The following KCNC2 variants were observed in gnomAD, a reference collection of about 807,000 sequenced individuals.
The protein encoded by KCNC2 is potassium voltage-gated channel subfamily C member 2.
KCNC2 carries 21 observed loss-of-function variants against 44.5 expected under a neutral mutation model. The ratio of observed to expected loss-of-function variants is 0.47; its 90% confidence interval spans 0.33 to 0.68. The LOEUF (loss-of-function observed/expected upper bound fraction) is 0.68, where lower values mean the gene tolerates loss of function less well. Among genes scored for constraint, KCNC2 ranks in the 30% least tolerant of loss-of-function variants. The pLI is 0.01. For synonymous variants in KCNC2, 391 were observed against 339.1 expected (o/e 1.15, Z -1.68); for missense variants, 589 against 826.2 (o/e 0.71, Z 3.52).
Position 75,048,210 on chromosome 12 carries a change from A to G in KCNC2, c.1723T>C (p.Cys575Arg). The change falls in exon 4 of 5, where the codon TGT (cysteine) becomes CGT (arginine). Residue 575 changes from cysteine (C) to arginine (R), a missense_variant. This residue lies in a region of KCNC2 where 171 missense variants were observed against 182.4 expected (regional missense o/e 0.94). Coordinates refer to ENST00000549446, the MANE Select transcript of KCNC2 (RefSeq NM_139137.4). ...TRDKNRRGETCFLLTTGDYTC... is the reference protein window; with the variant it reads ...TRDKNRRGETRFLLTTGDYTC... ...TAATCACCTGTCGTCAGTAGGAAACATGTTTCCCCTCTTCTGTTTTTGTCT... is the reference window on the plus strand; with the variant it reads ...TAATCACCTGTCGTCAGTAGGAAACGTGTTTCCCCTCTTCTGTTTTTGTCT... 1 of 1,613,054 alleles carries G rather than the reference A, an allele frequency of 6.2e-7. No individual in the cohort carries two copies. The highest frequency in any genetic ancestry group is 8.5e-7 in the Non-Finnish European group (1 of 1,179,386).
At chr12:75,084,294 A>AGATAGAT (rs1565840428) in intron 2 of KCNC2, among the ~76,000 whole-genome samples, 20 of 122,840 alleles carry the variant, frequency 1.6e-4, no homozygotes, top group African/African-American at 5.3e-4. Context: ...GATAGATGAT[A>AGATAGAT]GATAGATAGA....
intron 2 of KCNC2, among the ~76,000 whole-genome samples, chr12:75,074,196 T>C (rs1883690868): frequency 1.3e-5 from 2 of 151,294 alleles, no homozygotes; most frequent in Admixed American, 6.6e-5. Flanking sequence ...GTAGGAGGTC[T>C]GCAAGCTAGG....
At chr12:75,119,124 C>A (rs1333300010) in intron 2 of KCNC2, among the ~76,000 whole-genome samples, 1 of 152,168 alleles carries the variant, frequency 6.6e-6, no homozygotes, top group Non-Finnish European at 1.5e-5. Context: ...TGAATACCCC[C>A]TTCCATGGTA....
chr12:75,049,114 G>T lies in KCNC2; in HGVS notation c.1616-797C>A, dbSNP rs116601771. Among the ~76,000 whole-genome samples, 1,321 of 152,256 alleles carry T rather than the reference G, an allele frequency of 8.7e-3. 14 individuals are homozygous for T. Among genetic ancestry groups the T allele is most frequent in the African/African-American group, 0.03 (1,246 of 41,576 alleles). ...TTTCATAAATACATTCTTAACAGTT[G>T]TTAGATATATATTAGAAGAATTTGC... On this transcript the variant is annotated intron_variant, in intron 3 of 4. Transcript: ENST00000549446.
rs142891386 is a variant in KCNC2 at position 75,064,058 on chromosome 12, T to A, written c.688-12741A>T. Among the ~76,000 whole-genome samples the A allele has an allele frequency of 6.6e-4, 100 of 152,190 alleles. 1 individual carries two copies. The highest frequency in any genetic ancestry group is 2.4e-3 in the African/African-American group (99 of 41,560). ...TAGCCATAAATGACAAAAATGAGAA[T>A]ACAATGAAAAGATGCTGATTTTCAT... is the stretch of plus-strand genomic sequence containing the variant. On this transcript the variant is annotated intron_variant, in intron 2 of 4. Transcript: ENST00000549446.
At chr12:75,197,767 A>G (rs1037975372) in intron 2 of KCNC2, among the ~76,000 whole-genome samples, 11 of 151,954 alleles carry the variant, frequency 7.2e-5, no homozygotes, top group African/African-American at 2.7e-4. Context: ...TTTATCATCC[A>G]ATCAGTGTGG....
chr12:75,098,856 T>A (rs1263123883), intron 2 of KCNC2, among the ~76,000 whole-genome samples: 2 of 152,120 alleles, frequency 1.3e-5, no homozygotes, highest in African/African-American at 4.8e-5. Context: ...TGAAGTGTTA[T>A]CTGAAAAGGA....
chr12:75,122,759 T>G (rs1326552910), intron 2 of KCNC2, among the ~76,000 whole-genome samples: 1 of 152,128 alleles, frequency 6.6e-6, no homozygotes, highest in African/African-American at 2.4e-5. Context: ...GCTAAGGCTG[T>G]ATATTGAAAC....
In KCNC2 at chr12:75,041,678, A is replaced by C; in HGVS notation, c.*1427T>G. 1 of 1,001,426 alleles carries C rather than the reference A, an allele frequency of 1.0e-6. No homozygotes were observed. Among genetic ancestry groups the C allele is most frequent in the Non-Finnish European group, 1.2e-6 (1 of 838,698 alleles). 62.0% of individuals were successfully genotyped at this position (1,001,426 alleles called of 1,614,324 possible). On this transcript the variant is annotated 3_prime_UTR_variant, in exon 5 of 5. Coordinates refer to ENST00000549446, the MANE Select transcript of KCNC2 (RefSeq NM_139137.4). ...AGGATTTTGTTGGAGTGTAGTAATGAATGCTGGTTGCTAGGTAGTAGAAAC... is the reference window on the plus strand; with the variant it reads ...AGGATTTTGTTGGAGTGTAGTAATGCATGCTGGTTGCTAGGTAGTAGAAAC...
chr12:75,207,149 A>C lies in KCNC2; in HGVS notation c.687+148T>G, dbSNP rs2031748930. The C allele has an allele frequency of 1.9e-5, 27 of 1,396,658 alleles. No individual in the cohort carries two copies. Among genetic ancestry groups the C allele is most frequent in the Admixed American group, 3.2e-5 (1 of 31,678 alleles). The allele number at this position is 1,396,658 out of a possible 1,614,324, so 86.5% of individuals were successfully genotyped here. The stretch of plus-strand genomic sequence containing the variant: ...GCCGGGGTCCCTGGGTTTACCCTGC[A>C]AAGGATGAGCCTCTAACTGTATCGC... On this transcript the variant is annotated intron_variant, in intron 2 of 4. Transcript: ENST00000549446. The surrounding 1 kb of genome is among the most constrained non-coding windows in gnomAD (Gnocchi z 4.1).
chr12:75,068,572 A>C (rs1374198683), intron 2 of KCNC2, among the ~76,000 whole-genome samples: 1 of 152,220 alleles, frequency 6.6e-6, no homozygotes, highest in Non-Finnish European at 1.5e-5. Context: ...AAACAAATTA[A>C]AGGTGTCTTA....
Position 75,042,060 on chromosome 12 carries a change from A to G in KCNC2, c.*1045T>C. 8.5e-7 allele frequency: 1 copy of G among 1,175,914 alleles called. No homozygotes were observed. The highest frequency in any genetic ancestry group is 1.0e-6 in the Non-Finnish European group (1 of 953,356). The allele number at this position is 1,175,914 out of a possible 1,614,324, so 72.8% of individuals were successfully genotyped here. A position where few individuals can be genotyped will look rare whatever the true frequency, so the allele number is the denominator to read the frequency against. On this transcript the variant is annotated 3_prime_UTR_variant, in exon 5 of 5. Transcript: ENST00000549446. ...TGACTCAGGAATTTAAGGCTAGTCA[A>G]AAAAGCCTTCTGTGAACACCAGTGA...
intron 2 of KCNC2, among the ~76,000 whole-genome samples, chr12:75,080,429 C>T (rs114493573): frequency 0.039 from 5,886 of 151,876 alleles, 358 homozygotes; most frequent in African/African-American, 0.13. Context: ...AAACCATCTC[C>T]AGGAAACTAT....
chr12:75,067,494 G>T (rs537744653), intron 2 of KCNC2, among the ~76,000 whole-genome samples: 1 of 152,250 alleles, frequency 6.6e-6, no homozygotes, highest in Non-Finnish European at 1.5e-5. Flanking sequence ...TGAGAATGAA[G>T]AGACAAGAAT....
chr12:75,135,570 T>A (rs1033978589), intron 2 of KCNC2, among the ~76,000 whole-genome samples: 1 of 152,036 alleles, frequency 6.6e-6, no homozygotes, highest in African/African-American at 2.4e-5. Context: ...AACTAGTAGA[T>A]AATATTGATG....
At chr12:75,148,108 T>C (rs760539967) in intron 2 of KCNC2, among the ~76,000 whole-genome samples, 2 of 152,104 alleles carry the variant, frequency 1.3e-5, no homozygotes, top group Non-Finnish European at 2.9e-5. Flanking sequence ...CACTTTTCCC[T>C]ACAATGTATA....
intron 2 of KCNC2, among the ~76,000 whole-genome samples, chr12:75,117,185 T>C (rs1376820617): frequency 1.3e-5 from 2 of 152,218 alleles, no homozygotes; most frequent in Non-Finnish European, 2.9e-5. Context: ...CTTCTGGGTT[T>C]AAAGGCTTAC....
At chr12:75,124,967 G>C (rs963619054) in intron 2 of KCNC2, 2 of 152,114 alleles carry the variant, frequency 1.3e-5, no homozygotes, top group African/African-American at 4.8e-5. Flanking sequence ...TTAGCCGGGC[G>C]TTGTGGCGGG....
chr12:75,172,581 A>T (rs1646055172), intron 2 of KCNC2, among the ~76,000 whole-genome samples: 1 of 151,882 alleles, frequency 6.6e-6, no homozygotes, highest in Admixed American at 6.6e-5. Context: ...AAATCAGCCC[A>T]TGCATCTCTC....
Sources: gnomAD v4.1 joint callset for allele counts (sites outside exome capture counted in the v4.1 genomes callset) on GRCh38, gnomAD v4.1.1 for gene constraint, gnomAD v4.1.1 regional missense constraint, Gnocchi (gnomAD v3.1) non-coding constraint, MANE v1.5 for transcripts, NCBI Gene and HGNC (gene_info 2026-07-23, HGNC 2026-07-21) for gene names.